Variants in PPP4R3B observed in about 807,000 individuals in gnomAD.
PPP4R3B encodes the protein protein phosphatase 4 regulatory subunit 3B.
A neutral mutation model predicts 95.4 loss-of-function variants in PPP4R3B; 52 were observed. The ratio of observed to expected loss-of-function variants is 0.54; its 90% CI spans 0.44 to 0.69. The LOEUF (loss-of-function observed/expected upper bound fraction) is 0.69, where lower values mean the gene tolerates loss of function less well. Among genes scored for constraint, PPP4R3B ranks in the 30% least tolerant of loss-of-function variants. PPP4R3B has a pLI of 0.00. For synonymous variants in PPP4R3B, 407 were observed against 343.9 expected, an observed-to-expected ratio of 1.18 and a Z score of -2.03; for missense variants, 1,003 against 1,005.9, an observed-to-expected ratio of 1.00 and a Z score of 0.04.
intron 6 of PPP4R3B, among the ~76,000 whole-genome samples, chr2:55,586,135 GA>G (rs1690108988): frequency 6.6e-6 from 1 of 152,042 alleles, no homozygotes; most frequent in Non-Finnish European, 1.5e-5. Context: ...AAAATGTGGT[GA>G]AAAAAGTTCT....
At chr2:55,599,957 C>T (rs1408097716) in intron 3 of PPP4R3B, among the ~76,000 whole-genome samples, 1 of 152,122 alleles carries the variant, frequency 6.6e-6, no homozygotes, top group South Asian at 2.1e-4. Flanking sequence ...TTAACATTTC[C>T]ATATGTACTT....
At position 55,586,720 on chromosome 2, in the gene PPP4R3B, C is replaced by G. The variant is rs769111069; in HGVS notation, c.1014G>C (p.Lys338Asn). 6.3e-7 allele frequency: 1 copy of G among 1,597,288 alleles called. No individual in the cohort carries two copies. The highest frequency in any genetic ancestry group is 8.5e-7 in the Non-Finnish European group (1 of 1,173,424). ...DKRRELVNFF[K>N]EFCAFSQTLQ... ...ATGTCTGAGAAAATGCACAAAACTC[C>G]TTGAAAAAATTAACCTGTAATGTCA... The change falls in exon 6 of 17, where the codon AAG (lysine) becomes AAC (asparagine). Residue 338 changes from lysine (K) to asparagine (N), a missense_variant. Lys to Asn is a moderately conservative substitution (Grantham distance 94). Coordinates refer to ENST00000616407, the MANE Select transcript of PPP4R3B (RefSeq NM_001122964.3).
At chr2:55,610,448 G>A (rs1293997614) in intron 2 of PPP4R3B, among the ~76,000 whole-genome samples, 4 of 152,034 alleles carry the variant, frequency 2.6e-5, no homozygotes, top group Admixed American at 2.0e-4. Context: ...GCTACAAATA[G>A]GCTTAATACC....
At chr2:55,595,141 A>G (rs1691588888) in intron 4 of PPP4R3B, among the ~76,000 whole-genome samples, 1 of 150,980 alleles carries the variant, frequency 6.6e-6, no homozygotes. Flanking sequence ...CTCCCACTTC[A>G]GCTTCCTGAG....
intron 16 of PPP4R3B, among the ~76,000 whole-genome samples, chr2:55,556,681 G>A (rs890740070): frequency 6.6e-6 from 1 of 151,662 alleles, no homozygotes; most frequent in African/African-American, 2.4e-5. Flanking sequence ...CTGAGAAGGT[G>A]TCAAGCAGTG....
chr2:55,560,004 C>T (rs781727170), intron 15 of PPP4R3B, among the ~76,000 whole-genome samples: 17 of 152,196 alleles, frequency 1.1e-4, no homozygotes, highest in Middle Eastern at 3.4e-3. Context: ...CACCTATAAT[C>T]CCAGCTGCTC....
intron 2 of PPP4R3B, among the ~76,000 whole-genome samples, chr2:55,607,074 T>G (rs544876918): frequency 6.6e-6 from 1 of 152,190 alleles, no homozygotes; most frequent in Non-Finnish European, 1.5e-5. Context: ...TATTTGCAGT[T>G]ATCTCCACAT....
At chr2:55,560,504 C>T (rs1437902392) in intron 15 of PPP4R3B, among the ~76,000 whole-genome samples, 2 of 152,142 alleles carry the variant, frequency 1.3e-5, no homozygotes, top group Non-Finnish European at 2.9e-5. Flanking sequence ...CTGGGCTGGG[C>T]ACAGTGGCTC....
chr2:55,616,244 G>A (rs955870734), intron 1 of PPP4R3B, among the ~76,000 whole-genome samples: 8 of 152,106 alleles, frequency 5.3e-5, no homozygotes, highest in Non-Finnish European at 8.8e-5. Flanking sequence ...TAAATACTTA[G>A]TATAGAAATT....
intron 2 of PPP4R3B, among the ~76,000 whole-genome samples, chr2:55,608,106 G>T (rs371285117): frequency 6.6e-6 from 1 of 152,196 alleles, no homozygotes; most frequent in Non-Finnish European, 1.5e-5. Flanking sequence ...CTGGGTTCAA[G>T]TGATTCTCCT....
chr2:55,564,914 T>C lies in PPP4R3B; in HGVS notation c.2063A>G (p.Gln688Arg). 6.2e-7 allele frequency: 1 copy of C among 1,610,476 alleles called. No homozygotes were observed. The highest frequency in any genetic ancestry group is 8.5e-7 in the Non-Finnish European group (1 of 1,178,832). The change falls in exon 14 of 17, where the codon CAG becomes CGG. Residue 688 changes from glutamine to arginine, a missense_variant. Coordinates refer to ENST00000616407, the MANE Select transcript of PPP4R3B (RefSeq NM_001122964.3). ...ACTTAAACAATACCTGTTCAGTTTCTGATTTTGTCTGTCTTTTTCTTGCTC... is the reference window on the plus strand; with the variant it reads ...ACTTAAACAATACCTGTTCAGTTTCCGATTTTGTCTGTCTTTTTCTTGCTC... ...KYEQEKDRQN[Q>R]KLNSVPSILR...
rs534022512 is a variant in PPP4R3B at position 55,566,637 on chromosome 2, T to A, written c.1935+1557A>T. ...CAGCCAAATAATCTTCATATGAGAA[T>A]AGCATGTTATCAGCAAAAATCTGAC... On this transcript the variant is annotated intron_variant, in intron 13 of 16. Coordinates refer to ENST00000616407, the MANE Select transcript of PPP4R3B (RefSeq NM_001122964.3). Among the ~76,000 whole-genome samples the A allele has an allele frequency of 4.5e-4, 68 of 152,316 alleles. 1 individual carries two copies. The highest frequency in any genetic ancestry group is 1.6e-3 in the African/African-American group (67 of 41,576).
chr2:55,578,141 G>A, intron 10 of PPP4R3B, 106 bp downstream of exon 10: 1 of 1,123,048 alleles, frequency 8.9e-7, no homozygotes, highest in Non-Finnish European at 1.1e-6. Flanking sequence ...ATGTATGACA[G>A]ACATTAAATT....
In PPP4R3B at chr2:55,581,436, C is replaced by G. The variant is rs184755327; in HGVS notation, c.1365+131G>C. The G allele has an allele frequency of 1.4e-4, 128 of 939,246 alleles. No homozygotes were observed. The African/African-American group carries it at 2.1e-3, about 15-fold the overall frequency. The allele number at this position is 939,246 out of a possible 1,614,324, so 58.2% of individuals were successfully genotyped here. Reference sequence around the variant, plus strand: ...TTTGTATTTTACCACAAATGAATTGCTATAAGAATACCACTGCTACTTAAA... The same window carrying G: ...TTTGTATTTTACCACAAATGAATTGGTATAAGAATACCACTGCTACTTAAA... On this transcript the variant is annotated intron_variant, in intron 8 of 16. Transcript: ENST00000616407.
intron 15 of PPP4R3B, among the ~76,000 whole-genome samples, chr2:55,561,146 G>C (rs1181907859): frequency 6.6e-6 from 1 of 151,974 alleles, no homozygotes; most frequent in African/African-American, 2.4e-5. Context: ...TGGCGAAAAG[G>C]AGCCAAGGTA....
chr2:55,579,845 G>C (rs1689205878), intron 8 of PPP4R3B, 64 bp from the exon 9 acceptor site: 1 of 1,011,642 alleles, frequency 9.9e-7, no homozygotes, highest in South Asian at 1.5e-5. Flanking sequence ...TTCAAGATTA[G>C]CAGTACATAC....
chr2:55,608,464 A>C lies in PPP4R3B; in HGVS notation c.199-4388T>G, dbSNP rs773933762. The stretch of plus-strand genomic sequence containing the variant: ...CTTCCTGATTACCAATAACTGATCC[A>C]TCACATGCCCTGTCAATTCTACCTT... On this transcript the variant is annotated intron_variant, in intron 2 of 16. Transcript: ENST00000616407. 5.8e-4 allele frequency among the ~76,000 whole-genome samples: 89 copies of C among 152,268 alleles called. 1 individual carries two copies. The highest frequency in any genetic ancestry group is 1.8e-4 in the Non-Finnish European group (12 of 68,052).
chr2:55,573,857 T>C lies in PPP4R3B; in HGVS notation c.1607-80A>G, dbSNP rs1470972118. The C allele has an allele frequency of 5.8e-6, 5 of 858,430 alleles. No homozygotes were observed. In the East Asian group the frequency reaches 1.7e-4, roughly 30 times the overall value. The allele number at this position is 858,430 out of a possible 1,614,324, so 53.2% of individuals were successfully genotyped here. On this transcript the variant is annotated intron_variant, in intron 11 of 16. Coordinates refer to ENST00000616407, the MANE Select transcript of PPP4R3B (RefSeq NM_001122964.3). Reference sequence around the variant, plus strand: ...ATAAATAAAGCTTACATCCTATATGTTATAACAAAATCTAAACTGTATTTC... The same window carrying C: ...ATAAATAAAGCTTACATCCTATATGCTATAACAAAATCTAAACTGTATTTC...
At chr2:55,552,795 A>G (rs1231435747) in intron 16 of PPP4R3B, among the ~76,000 whole-genome samples, 3 of 152,254 alleles carry the variant, frequency 2.0e-5, no homozygotes. Context: ...AAGAGAGAAC[A>G]GCAGTTTAGA....
Sources: gnomAD v4.1 joint callset for allele counts (sites outside exome capture counted in the v4.1 genomes callset) on GRCh38, gnomAD v4.1.1 for gene constraint, MANE v1.5 for transcripts, NCBI Gene and HGNC (gene_info 2026-07-23, HGNC 2026-07-21) for gene names.